DYSF: variants seen among roughly 807,000 people sequenced by gnomAD.
DYSF encodes dystrophy-associated fer-1-like 1.
DYSF carries 212 observed loss-of-function variants against 274.9 expected under a neutral mutation model. The ratio of observed to expected loss-of-function variants is 0.77; its 90% confidence interval spans 0.69 to 0.86. The LOEUF (loss-of-function observed/expected upper bound fraction) is 0.86. Among genes scored for constraint, DYSF ranks in the 40% least tolerant of loss-of-function variants. The pLI is 0.00. For synonymous variants in DYSF, 1,091 were observed against 1,078.7 expected, an observed-to-expected ratio of 1.01 and a Z score of -0.22; for missense variants, 2,666 against 2,783.2, an observed-to-expected ratio of 0.96 and a Z score of 0.95.
In DYSF at chr2:71,553,196, A is replaced by T. The variant is rs2152791044; in HGVS notation, c.1984+8A>T. On this transcript the variant is annotated splice_region_variant and intron_variant, in intron 20 of 55. Transcript: ENST00000410020. Reference sequence around the variant, plus strand: ...GCCGTGCAGTCTTTGACGGTGAGGCAGTGCTCCTGGCTGGGACCCCGATCA... The same window carrying T: ...GCCGTGCAGTCTTTGACGGTGAGGCTGTGCTCCTGGCTGGGACCCCGATCA... The T allele has an allele frequency of 6.2e-6, 10 of 1,613,994 alleles. No homozygotes were observed. Among genetic ancestry groups the T allele is most frequent in the Non-Finnish European group, 7.6e-6 (9 of 1,180,038 alleles).
At chr2:71,509,831 G>A (rs1260593358) in intron 4 of DYSF, among the ~76,000 whole-genome samples, 2 of 152,120 alleles carry the variant, frequency 1.3e-5, no homozygotes, top group Non-Finnish European at 2.9e-5. Flanking sequence ...AGGCTGGAGT[G>A]CAGTGGTGTG....
intron 25 of DYSF, 22 bp downstream of exon 25, chr2:71,568,104 C>A (rs374743855): frequency 6.2e-7 from 1 of 1,614,222 alleles, no homozygotes; most frequent in Non-Finnish European, 8.5e-7. Flanking sequence ...CCAGCCCCCA[C>A]CTCTGCCTCC....
At chr2:71,618,714 T>TGTGGCC (rs1574402296) in intron 40 of DYSF, among the ~76,000 whole-genome samples, 1 of 150,708 alleles carries the variant, frequency 6.6e-6, no homozygotes, top group African/African-American at 2.4e-5. Flanking sequence ...AGATGGTGTG[T>TGTGGCC]GTGGCAGAGG....
intron 4 of DYSF, among the ~76,000 whole-genome samples, chr2:71,504,387 C>T (rs1394221583): frequency 6.6e-6 from 1 of 152,160 alleles, no homozygotes; most frequent in African/African-American, 2.4e-5. Flanking sequence ...CCAGGAAAGT[C>T]CATCTGTTTC....
chr2:71,569,559 C>T (rs1283062524), intron 26 of DYSF, among the ~76,000 whole-genome samples: 1 of 152,208 alleles, frequency 6.6e-6, no homozygotes, highest in African/African-American at 2.4e-5. Flanking sequence ...TGCCCATCCT[C>T]CTTTTGCTGT....
At chr2:71,665,041 C>G in intron 46 of DYSF, 121 bp from the exon 47 acceptor site, 2 of 1,500,022 alleles carry the variant, frequency 1.3e-6, no homozygotes, top group South Asian at 2.3e-5. Flanking sequence ...AGATGGGACA[C>G]CCACTGTAAA....
intron 13 of DYSF, among the ~76,000 whole-genome samples, chr2:71,528,076 C>T (rs2088173239): frequency 1.3e-5 from 2 of 152,200 alleles, no homozygotes; most frequent in Admixed American, 6.5e-5. Flanking sequence ...GGACAGTGAA[C>T]TGAGCTGTTT....
intron 12 of DYSF, among the ~76,000 whole-genome samples, chr2:71,521,754 C>T (rs188726372): frequency 7.6e-4 from 115 of 152,244 alleles, no homozygotes; most frequent in Admixed American, 1.1e-3. Context: ...TGGGTTTCTA[C>T]TTCTCCACTT....
chr2:71,556,292 C>T (rs894948695), intron 22 of DYSF, among the ~76,000 whole-genome samples: 11 of 152,366 alleles, frequency 7.2e-5, no homozygotes, highest in Non-Finnish European at 1.0e-4. Context: ...GCGGCAGCTG[C>T]GGGCCCGGCG....
exon 1 of DYSF, chr2:71,453,852 T>C (rs377304723): frequency 3.3e-5 from 27 of 820,392 alleles, no homozygotes; most frequent in South Asian, 2.5e-4. Context: ...TAAGAGCAAC[T>C]GCTCTAAGCC....
In DYSF at chr2:71,679,234, C is replaced by T. The variant is rs770998919; in HGVS notation, c.6062C>T (p.Ala2021Val). The T allele has an allele frequency of 1.2e-5, 20 of 1,613,790 alleles. No homozygotes were observed. Among genetic ancestry groups the T allele is most frequent in the South Asian group, 6.6e-5 (6 of 91,040 alleles). Residue 2021 changes from alanine to valine, a missense_variant and splice_region_variant, in exon 53 of 56, where the codon GCG becomes GTG. By Grantham distance (64) the Ala-to-Val change is moderately conservative. Coordinates refer to ENST00000410020, the MANE Select transcript of DYSF (RefSeq NM_001130987.2). ...GAAGAGGGTGAGAAGAAAATACTGGCGGTAAGTCTACTTCCTCCAGCCCCA... is the reference window on the plus strand; with the variant it reads ...GAAGAGGGTGAGAAGAAAATACTGGTGGTAAGTCTACTTCCTCCAGCCCCA... ...VAEEGEKKILAGKLEMTLEIV... is the reference protein window; with the variant it reads ...VAEEGEKKILVGKLEMTLEIV...
intron 3 of DYSF, among the ~76,000 whole-genome samples, chr2:71,499,365 AT>A (rs2084742722): frequency 6.6e-6 from 1 of 152,166 alleles, no homozygotes; most frequent in Non-Finnish European, 1.5e-5. Flanking sequence ...ACTGTACTTT[AT>A]TTACCTGTCG....
At chr2:71,673,884 A>G (rs1343814953) in intron 51 of DYSF, among the ~76,000 whole-genome samples, 1 of 152,220 alleles carries the variant, frequency 6.6e-6, no homozygotes, top group African/African-American at 2.4e-5. Context: ...GACCTCAGGC[A>G]CATTCCTTTA....
chr2:71,528,433 G>T, intron 14 of DYSF, 32 bp downstream of exon 14: 1 of 1,580,782 alleles, frequency 6.3e-7, no homozygotes, highest in South Asian at 1.1e-5. Flanking sequence ...GGGTTCTCTC[G>T]GGAGGGGACT....
At chr2:71,629,827 A>G (rs546836609) in intron 41 of DYSF, among the ~76,000 whole-genome samples, 1 of 152,038 alleles carries the variant, frequency 6.6e-6, no homozygotes, top group Non-Finnish European at 1.5e-5. Context: ...CTAATTTGTC[A>G]TTTTGCTGGA....
At chr2:71,665,377 T>C (rs909323863) in intron 47 of DYSF, 73 bp downstream of exon 47, 2 of 1,602,924 alleles carry the variant, frequency 1.2e-6, no homozygotes, top group Non-Finnish European at 8.5e-7. Context: ...GACCCTCTGC[T>C]ACCATAAAAG....
intron 3 of DYSF, among the ~76,000 whole-genome samples, chr2:71,500,403 C>T (rs1372199828): frequency 1.3e-5 from 2 of 152,134 alleles, no homozygotes; most frequent in Middle Eastern, 3.2e-3. Context: ...GGTGAAGCCA[C>T]CCTTCTTGGA....
intron 42 of DYSF, among the ~76,000 whole-genome samples, chr2:71,645,729 G>A (rs1207306021): frequency 1.3e-5 from 2 of 152,020 alleles, no homozygotes; most frequent in African/African-American, 4.8e-5. Flanking sequence ...TTCTGTATCA[G>A]TTATTTATTT....
Position 71,551,443 on chromosome 2 carries a change from G to A in DYSF, c.1693-164G>A, listed in dbSNP as rs186389055. On this transcript the variant is annotated intron_variant, in intron 18 of 55. Coordinates refer to ENST00000410020, the MANE Select transcript of DYSF (RefSeq NM_001130987.2). ...ATCTGGGTGGCTTGTCATATCCCCC[G>A]AACTCTCTGGGCCATGCTTTCCTCA... 5.4e-3 allele frequency among the ~76,000 whole-genome samples: 826 copies of A among 152,306 alleles called. 4 individuals carry two copies. Among genetic ancestry groups the A allele is most frequent in the Non-Finnish European group, 9.3e-3 (631 of 68,024 alleles).
Sources: gnomAD v4.1 joint callset for allele counts (sites outside exome capture counted in the v4.1 genomes callset) on GRCh38, gnomAD v4.1.1 for gene constraint, MANE v1.5 for transcripts, NCBI Gene and HGNC (gene_info 2026-07-23, HGNC 2026-07-21) for gene names.